The following DPP10 variants were observed in gnomAD, a reference collection of about 807,000 sequenced individuals.
DPP10 encodes the protein dipeptidyl peptidase like 10.
Under a neutral mutation model 120.9 loss-of-function variants are expected in DPP10, and 33 were observed. The observed-to-expected ratio is 0.27, with a 90% CI of 0.21 to 0.37. DPP10 has a LOEUF of 0.37. Among genes scored for constraint, DPP10 ranks in the 10% least tolerant of loss-of-function variants. The pLI, the probability that DPP10 is intolerant of heterozygous loss-of-function variation, is 1.00. For missense variants in DPP10, 816 were observed against 942.8 expected, an observed-to-expected ratio of 0.87 and a Z score of 1.76; for synonymous variants, 337 against 326.1, an observed-to-expected ratio of 1.03 and a Z score of -0.36.
At position 115,456,639 on chromosome 2, in the gene DPP10, G is replaced by A. The variant is rs190595339; in HGVS notation, c.272-42871G>A. On this transcript the variant is annotated intron_variant, in intron 3 of 25. Coordinates refer to ENST00000410059, the MANE Select transcript of DPP10 (RefSeq NM_020868.6). ...GGAATACTATGCAGCCATAAAAAAC[G>A]ATGAGTTCCTGTCCTTTGGAGGGAC... Among the ~76,000 whole-genome samples, 48 of 152,142 alleles carry A rather than the reference G, an allele frequency of 3.2e-4. 1 individual carries two copies. The East Asian group carries it at 6.8e-3, about 21-fold the overall frequency.
chr2:115,387,620 G>A (rs1374804104), intron 3 of DPP10, among the ~76,000 whole-genome samples: 2 of 152,022 alleles, frequency 1.3e-5, no homozygotes, highest in African/African-American at 4.8e-5. Context: ...TATGCAATTG[G>A]TACATTCTTA....
intron 1 of DPP10, among the ~76,000 whole-genome samples, chr2:114,597,972 T>A (rs528265982): frequency 6.6e-6 from 1 of 152,030 alleles, no homozygotes; most frequent in East Asian, 1.9e-4. Context: ...AATGGTACTT[T>A]TGACTTTGGG....
intron 1 of DPP10, among the ~76,000 whole-genome samples, chr2:114,805,086 G>T (rs1284404778): frequency 6.6e-6 from 1 of 152,000 alleles, no homozygotes; most frequent in Non-Finnish European, 1.5e-5. Flanking sequence ...TTTATCAGGG[G>T]TTTCCACTTT....
chr2:115,524,382 G>A (rs555849013), intron 4 of DPP10, among the ~76,000 whole-genome samples: 2 of 152,176 alleles, frequency 1.3e-5, no homozygotes, highest in Admixed American at 6.5e-5. Context: ...ATTGTAGAGG[G>A]TACAAATGAA....
At chr2:115,328,881 C>T (rs1189048588) in intron 2 of DPP10, among the ~76,000 whole-genome samples, 1 of 152,082 alleles carries the variant, frequency 6.6e-6, no homozygotes, top group Non-Finnish European at 1.5e-5. Flanking sequence ...AAAGAGATAC[C>T]TGCTAGTGAA....
chr2:115,689,059 T>C (rs2091167005), intron 5 of DPP10, among the ~76,000 whole-genome samples: 1 of 152,186 alleles, frequency 6.6e-6, no homozygotes, highest in Non-Finnish European at 1.5e-5. Context: ...TCTGACAACA[T>C]TCTAGTAGGA....
chr2:115,827,414 GTATATATATATATA>G (rs70941101), intron 21 of DPP10, among the ~76,000 whole-genome samples: 1 of 75,452 alleles, frequency 1.3e-5, no homozygotes, highest in Non-Finnish European at 2.5e-5. Context: ...ATGTGTGTGT[GTATATATATATATA>G]TATATATATA....
At chr2:114,498,201 G>A (rs1682847594) in intron 1 of DPP10, among the ~76,000 whole-genome samples, 1 of 152,008 alleles carries the variant, frequency 6.6e-6, no homozygotes, top group Non-Finnish European at 1.5e-5. Flanking sequence ...CTCTCATTTT[G>A]AAATGTGCAA....
intron 1 of DPP10, among the ~76,000 whole-genome samples, chr2:115,186,798 T>C (rs1273344533): frequency 6.6e-6 from 1 of 152,114 alleles, no homozygotes; most frequent in East Asian, 1.9e-4. Flanking sequence ...GGCTTTACCC[T>C]AGAAGATGGG....
At chr2:114,577,583 CTA>C (rs962018680) in intron 1 of DPP10, among the ~76,000 whole-genome samples, 7 of 152,120 alleles carry the variant, frequency 4.6e-5, no homozygotes, top group South Asian at 2.1e-4. Context: ...AAACATGTCT[CTA>C]TTTTTTTTTA....
chr2:114,560,997 C>T (rs1419436767), intron 1 of DPP10, among the ~76,000 whole-genome samples: 2 of 152,294 alleles, frequency 1.3e-5, no homozygotes, highest in East Asian at 1.9e-4. Context: ...TTTGTGTTCT[C>T]ACAGCTCCAT....
At position 115,768,304 on chromosome 2, in the gene DPP10, A is replaced by T. The variant is rs773155114; in HGVS notation, c.1121A>T (p.Glu374Val). 1.9e-6 allele frequency: 3 copies of T among 1,613,366 alleles called. No homozygotes were observed. Among genetic ancestry groups the T allele is most frequent in the Admixed American group, 3.3e-5 (2 of 59,922 alleles). ...TGCTCTTCTGTATTTTAGAATGAGG[A>T]GCCCGTGTTTTCTAGAGACGGCAGC... is the stretch of plus-strand genomic sequence containing the variant. ...SDTWLSQQNE[E>V]PVFSRDGSKF... Residue 374 changes from glutamate (E) to valine (V), a missense_variant, in exon 13 of 26, where the codon GAG (glutamate) becomes GTG (valine). Physicochemically the swap from Glu to Val is moderately radical, Grantham distance 121. This residue lies in a region of DPP10 where 592 missense variants were observed against 649.0 expected (regional missense o/e 0.91). Transcript: ENST00000410059.
intron 1 of DPP10, among the ~76,000 whole-genome samples, chr2:114,890,477 C>T (rs1020956690): frequency 6.6e-6 from 1 of 152,128 alleles, no homozygotes; most frequent in Non-Finnish European, 1.5e-5. Flanking sequence ...TGAACTAGAA[C>T]ATACACAATA....
chr2:115,647,539 TA>T lies in DPP10; in HGVS notation c.442-42138del, dbSNP rs150465058. Among the ~76,000 whole-genome samples the T allele has an allele frequency of 2.2e-3, 334 of 150,140 alleles. 2 individuals carry two copies. The highest frequency in any genetic ancestry group is 3.2e-3 in the Admixed American group (48 of 15,058). On this transcript the variant is annotated intron_variant, in intron 5 of 25. Transcript: ENST00000410059. ...ATGTTGTATTAGAAATAGTACATGG[TA>T]AAAAAAAAATTAACAAACAAAGGAC...
At chr2:114,819,210 T>C (rs1338472281) in intron 1 of DPP10, among the ~76,000 whole-genome samples, 1 of 152,182 alleles carries the variant, frequency 6.6e-6, no homozygotes, top group East Asian at 1.9e-4. Context: ...AGCTTTTTTT[T>C]TTTTTTAGAT....
At chr2:114,910,818 T>C (rs1416739728) in intron 1 of DPP10, among the ~76,000 whole-genome samples, 1 of 152,170 alleles carries the variant, frequency 6.6e-6, no homozygotes, top group Non-Finnish European at 1.5e-5. Flanking sequence ...GGTTTAAATT[T>C]TGATACATTT....
At chr2:115,240,358 G>A (rs1352725077) in intron 1 of DPP10, among the ~76,000 whole-genome samples, 1 of 152,206 alleles carries the variant, frequency 6.6e-6, no homozygotes, top group Non-Finnish European at 1.5e-5. Flanking sequence ...GACCAGTGAT[G>A]ATGAGCTTTT....
At chr2:114,684,323 A>C (rs1165087394) in intron 1 of DPP10, among the ~76,000 whole-genome samples, 1 of 151,940 alleles carries the variant, frequency 6.6e-6, no homozygotes, top group Non-Finnish European at 1.5e-5. Flanking sequence ...TCACTCTACC[A>C]CTACTTCACT....
At chr2:115,790,882 T>C (rs1683897469) in intron 17 of DPP10, among the ~76,000 whole-genome samples, 199 bp from the exon 18 acceptor site, 1 of 152,198 alleles carries the variant, frequency 6.6e-6, no homozygotes, top group Non-Finnish European at 1.5e-5. Flanking sequence ...ATAAATTTAA[T>C]ATAGAAGCAA....
Sources: allele counts gnomAD v4.1 joint callset (sites outside exome capture counted in the v4.1 genomes callset), GRCh38; gene constraint gnomAD v4.1.1; regional missense constraint gnomAD v4.1.1; transcripts MANE v1.5; gene names NCBI Gene and HGNC (gene_info 2026-07-23, HGNC 2026-07-21).